SEMA3D: variants seen among roughly 807,000 people sequenced by gnomAD.
The protein encoded by SEMA3D is semaphorin-3D.
SEMA3D carries 84 observed loss-of-function variants against 100.1 expected under a neutral mutation model. The ratio of observed to expected loss-of-function variants is 0.84; its 90% CI spans 0.70 to 1.01. The LOEUF is 1.01. SEMA3D is among the 50% of genes least tolerant of loss of function. The pLI, the probability that SEMA3D is intolerant of heterozygous loss-of-function variation, is 0.00. For synonymous variants in SEMA3D, 312 were observed against 320.7 expected, an observed-to-expected ratio of 0.97 and a Z score of 0.29; for missense variants, 875 against 934.1, an observed-to-expected ratio of 0.94 and a Z score of 0.82.
the SEMA3D span, among the ~76,000 whole-genome samples, chr7:85,204,272 G>T: frequency 2.7e-5 from 4 of 149,708 alleles, no homozygotes; most frequent in Admixed American, 2.0e-4. Flanking sequence ...AAAGGCATTT[G>T]AAATCAAAGG....
chr7:85,198,677 T>A, the SEMA3D span, among the ~76,000 whole-genome samples: 2 of 151,856 alleles, frequency 1.3e-5, no homozygotes, highest in Non-Finnish European at 2.9e-5. Flanking sequence ...CACTTGTAAT[T>A]TATTAGGTTT....
In SEMA3D at chr7:85,084,673, T is replaced by A. The variant is rs1788166016; in HGVS notation, c.313-3094A>T. On this transcript the variant is annotated intron_variant, in intron 4 of 18. Transcript: ENST00000284136. ...GGTTTGTTACACAGGTAAACTTGTG[T>A]CATGAGGCTTTCTTGTAAAGATTGT... Among the ~76,000 whole-genome samples the A allele has an allele frequency of 3.3e-5, 5 of 152,126 alleles. No homozygotes were observed. In the South Asian group the frequency reaches 1.0e-3, roughly 31 times the overall value.
At chr7:85,176,273 A>G (rs528654817) in intron 1 of SEMA3D, among the ~76,000 whole-genome samples, 18 of 152,272 alleles carry the variant, frequency 1.2e-4, no homozygotes, top group Non-Finnish European at 1.6e-4. Flanking sequence ...AAAACCCAAA[A>G]TCCAAGATTC....
chr7:85,197,304 C>A, the SEMA3D span, among the ~76,000 whole-genome samples: 1 of 152,254 alleles, frequency 6.6e-6, no homozygotes, highest in South Asian at 2.1e-4. Flanking sequence ...TCTATTGCCT[C>A]TAAGGGCAGC....
chr7:85,153,729 A>G lies in SEMA3D; in HGVS notation c.-162T>C, dbSNP rs1300082951. ...CAGCAGATGTTACAGTTCTAGTCCAAGTGTAAAGACCTGAAAAACAGGAGA... is the reference window on the plus strand; with the variant it reads ...CAGCAGATGTTACAGTTCTAGTCCAGGTGTAAAGACCTGAAAAACAGGAGA... On this transcript the variant is annotated 5_prime_UTR_variant, in exon 2 of 19. Transcript: ENST00000284136. 6.6e-6 allele frequency: 1 copy of G among 152,170 alleles called. No individual in the cohort carries two copies. Among genetic ancestry groups the G allele is most frequent in the Non-Finnish European group, 1.5e-5 (1 of 68,042 alleles). 9.4% of individuals were successfully genotyped at this position (152,170 alleles called of 1,614,324 possible). A position where few individuals can be genotyped will look rare whatever the true frequency, so the allele number is the denominator to read the frequency against.
intron 17 of SEMA3D, among the ~76,000 whole-genome samples, chr7:85,009,681 A>T (rs1247439640): frequency 6.6e-6 from 1 of 151,758 alleles, no homozygotes; most frequent in Non-Finnish European, 1.5e-5. Context: ...CCCTTTCACA[A>T]ACTTTACCCA....
At chr7:85,196,345 C>A in the SEMA3D span, among the ~76,000 whole-genome samples, 1 of 111,862 alleles carries the variant, frequency 8.9e-6, no homozygotes, top group African/African-American at 3.2e-5. Flanking sequence ...ATTTAGAAAA[C>A]AAACAAACAA....
chr7:85,217,125 G>A, the SEMA3D span, among the ~76,000 whole-genome samples: 1 of 151,984 alleles, frequency 6.6e-6, no homozygotes, highest in African/African-American at 2.4e-5. Flanking sequence ...AAGCATTATA[G>A]TTCTGTACAC....
chr7:85,165,842 A>G (rs990411684), intron 1 of SEMA3D, among the ~76,000 whole-genome samples: 3 of 152,108 alleles, frequency 2.0e-5, no homozygotes, highest in South Asian at 2.1e-4. Flanking sequence ...GCAATCACGC[A>G]TCTCAAACAC....
At chr7:85,013,398 C>CT (rs1790010845) in intron 16 of SEMA3D, among the ~76,000 whole-genome samples, 1 of 151,646 alleles carries the variant, frequency 6.6e-6, no homozygotes, top group African/African-American at 2.4e-5. Context: ...TTTCTATCTG[C>CT]TGATGAGTAG....
chr7:85,081,449 C>A, intron 5 of SEMA3D, 68 bp downstream of exon 5: 2 of 1,000,696 alleles, frequency 2.0e-6, no homozygotes, highest in African/African-American at 1.6e-5. Flanking sequence ...CAGTAAAGCC[C>A]AATATAAATA....
intron 8 of SEMA3D, among the ~76,000 whole-genome samples, chr7:85,060,413 C>T (rs1417616284): frequency 6.6e-6 from 1 of 152,072 alleles, no homozygotes; most frequent in African/African-American, 2.4e-5. Context: ...TGATTTACTG[C>T]CAAATTTGGG....
chr7:85,175,799 G>A (rs564235489), intron 1 of SEMA3D, among the ~76,000 whole-genome samples: 1 of 151,868 alleles, frequency 6.6e-6, no homozygotes, highest in Non-Finnish European at 1.5e-5. Flanking sequence ...GTTATGATGG[G>A]GAACTATATA....
chr7:85,144,960 G>C (rs1790161277), intron 2 of SEMA3D, among the ~76,000 whole-genome samples: 1 of 152,022 alleles, frequency 6.6e-6, no homozygotes, highest in East Asian at 1.9e-4. Context: ...ATTCTAGCTT[G>C]GCTTTATTTG....
In SEMA3D at chr7:85,042,303, AT is replaced by A. The variant is rs767274067; in HGVS notation, c.862-19del. ...ACATCATTCTGACATGAAAAAAAAAATAAAGATAAATATTTATCAACACAAT... is the reference window on the plus strand; with the variant it reads ...ACATCATTCTGACATGAAAAAAAAAAAAAGATAAATATTTATCAACACAAT... On this transcript the variant is annotated intron_variant, in intron 9 of 18. Coordinates refer to ENST00000284136, the MANE Select transcript of SEMA3D (RefSeq NM_001384900.1). 2.0e-6 allele frequency: 3 copies of A among 1,511,650 alleles called. No homozygotes were observed. The highest frequency in any genetic ancestry group is 1.8e-6 in the Non-Finnish European group (2 of 1,088,830). The allele number at this position is 1,511,650 out of a possible 1,614,324, so 93.6% of individuals were successfully genotyped here.
intron 12 of SEMA3D, chr7:85,029,431 CAA>C: frequency 1.3e-6 from 1 of 776,942 alleles, no homozygotes; most frequent in East Asian, 2.5e-5. Context: ...TGAGAAACTT[CAA>C]GTCAAGATTA....
chr7:85,033,303 T>G (rs1790596490), intron 12 of SEMA3D, among the ~76,000 whole-genome samples: 1 of 152,136 alleles, frequency 6.6e-6, no homozygotes, highest in South Asian at 2.1e-4. Context: ...CCACTGACAT[T>G]TTTATTTTCC....
chr7:85,112,791 C>T (rs1789128901), intron 3 of SEMA3D, among the ~76,000 whole-genome samples: 1 of 152,194 alleles, frequency 6.6e-6, no homozygotes, highest in Non-Finnish European at 1.5e-5. Flanking sequence ...TAGCACTTAG[C>T]ACTGTCTGAA....
At chr7:85,123,737 G>A (rs1789493097) in intron 2 of SEMA3D, among the ~76,000 whole-genome samples, 1 of 151,840 alleles carries the variant, frequency 6.6e-6, no homozygotes, top group South Asian at 2.1e-4. Context: ...ATACCTATAA[G>A]GAATACTAAA....
Sources: gnomAD v4.1 joint callset for allele counts (sites outside exome capture counted in the v4.1 genomes callset) on GRCh38, gnomAD v4.1.1 for gene constraint, MANE v1.5 for transcripts, NCBI Gene and HGNC (gene_info 2026-07-23, HGNC 2026-07-21) for gene names.